The following TNPO1 variants were observed in gnomAD, a reference collection of about 807,000 sequenced individuals.
TNPO1 encodes the protein transportin-1.
A neutral mutation model predicts 119.5 loss-of-function variants in TNPO1; 8 were observed. That is an observed-to-expected ratio of 0.07 (90% CI 0.04 to 0.12). TNPO1 has a LOEUF of 0.12. Among genes scored for constraint, TNPO1 ranks in the 10% least tolerant of loss-of-function variants. TNPO1 has a pLI of 1.00. For synonymous variants in TNPO1, 362 were observed against 363.0 expected (o/e 1.00, Z 0.03); for missense variants, 576 against 1,089.8 (o/e 0.53, Z 6.64).
At chr5:72,887,573 T>C (rs1282244489) in intron 12 of TNPO1, among the ~76,000 whole-genome samples, 1 of 152,190 alleles carries the variant, frequency 6.6e-6, no homozygotes, top group East Asian at 1.9e-4. Context: ...TAGTCCCAGC[T>C]ACTTGGAAGG....
At chr5:72,873,054 A>G (rs1281887319) in intron 7 of TNPO1, among the ~76,000 whole-genome samples, 1 of 152,102 alleles carries the variant, frequency 6.6e-6, no homozygotes, top group Non-Finnish European at 1.5e-5. Flanking sequence ...CCCTCAGCTC[A>G]TGCAGTTTTT....
At chr5:72,864,585 C>CT (rs931865787) in intron 5 of TNPO1, among the ~76,000 whole-genome samples, 34 of 151,090 alleles carry the variant, frequency 2.3e-4, no homozygotes, top group African/African-American at 4.6e-4. Context: ...ATGTAAGTAA[C>CT]TTTTTTTTTC....
intron 8 of TNPO1, among the ~76,000 whole-genome samples, chr5:72,876,307 T>C (rs968895059): frequency 3.9e-5 from 6 of 152,212 alleles, no homozygotes; most frequent in African/African-American, 1.4e-4. Flanking sequence ...GGGCATATTT[T>C]GTTAGGTGAG....
chr5:72,853,706 A>G (rs1745765391), intron 3 of TNPO1, among the ~76,000 whole-genome samples: 1 of 149,880 alleles, frequency 6.7e-6, no homozygotes, highest in African/African-American at 2.5e-5. Flanking sequence ...TGCTGCATGT[A>G]GTTTTCCATT....
chr5:72,848,946 C>G (rs1170533465), intron 2 of TNPO1, among the ~76,000 whole-genome samples: 1 of 151,828 alleles, frequency 6.6e-6, no homozygotes, highest in Non-Finnish European at 1.5e-5. Context: ...GCGCTCTGTG[C>G]GCGGCGGAGC....
At chr5:72,834,355 A>G (rs1205694545) in intron 1 of TNPO1, among the ~76,000 whole-genome samples, 1 of 152,226 alleles carries the variant, frequency 6.6e-6, no homozygotes, top group South Asian at 2.1e-4. Flanking sequence ...TTCTAGAAGA[A>G]GGCATTGTTA....
intron 24 of TNPO1, among the ~76,000 whole-genome samples, chr5:72,907,996 T>C (rs1343761100): frequency 1.3e-5 from 2 of 152,202 alleles, no homozygotes; most frequent in East Asian, 3.9e-4. Context: ...GGGGCTTCAG[T>C]GAGCCATATT....
At chr5:72,903,382 TG>T (rs2112497612) in intron 22 of TNPO1, among the ~76,000 whole-genome samples, 1 of 152,300 alleles carries the variant, frequency 6.6e-6, no homozygotes, top group African/African-American at 2.4e-5. Context: ...ATCCGGTAAA[TG>T]AAAGAGTATT....
intron 3 of TNPO1, 94 bp downstream of exon 3, chr5:72,851,413 A>C (rs1387247866): frequency 1.3e-6 from 1 of 757,244 alleles, no homozygotes; most frequent in African/African-American, 1.8e-5. Context: ...TTCATTTTGT[A>C]GTAACCTTGT....
intron 2 of TNPO1, among the ~76,000 whole-genome samples, chr5:72,849,601 AT>A (rs1454563228): frequency 6.6e-6 from 1 of 152,226 alleles, no homozygotes; most frequent in African/African-American, 2.4e-5. Context: ...AAAACCTTCA[AT>A]AGATGACAAA....
chr5:72,905,621 G>A (rs1750088442), intron 24 of TNPO1, 176 bp downstream of exon 24: 3 of 339,774 alleles, frequency 8.8e-6, no homozygotes, highest in African/African-American at 2.1e-5. Context: ...TGGGCCAGGT[G>A]TGGTGGCTCA....
At chr5:72,865,313 G>A (rs1746796565) in intron 5 of TNPO1, among the ~76,000 whole-genome samples, 1 of 151,616 alleles carries the variant, frequency 6.6e-6, no homozygotes, top group Non-Finnish European at 1.5e-5. Context: ...ACAATGGCAG[G>A]CACCTGTAAT....
chr5:72,830,345 T>C (rs574689100), intron 1 of TNPO1, among the ~76,000 whole-genome samples: 3 of 152,280 alleles, frequency 2.0e-5, no homozygotes, highest in East Asian at 3.9e-4. Flanking sequence ...TAGATAAAAT[T>C]ATTGTATTCT....
chr5:72,900,820 A>G (rs889390197), intron 21 of TNPO1, 154 bp from the exon 22 acceptor site: 1 of 440,238 alleles, frequency 2.3e-6, no homozygotes, highest in Admixed American at 4.2e-5. Flanking sequence ...ACAAACAGGA[A>G]GTATGAGTAA....
intron 6 of TNPO1, among the ~76,000 whole-genome samples, chr5:72,872,074 G>C (rs1159111800): frequency 6.6e-6 from 1 of 152,146 alleles, no homozygotes; most frequent in African/African-American, 2.4e-5. Flanking sequence ...CAAACAGGCT[G>C]TAGTGGGGTT....
Position 72,880,586 on chromosome 5 carries a change from G to A in TNPO1, c.921-1881G>A, listed in dbSNP as rs867149790. 7.2e-5 allele frequency among the ~76,000 whole-genome samples: 11 copies of A among 152,244 alleles called. 1 individual carries two copies. The highest frequency in any genetic ancestry group is 2.1e-4 in the South Asian group (1 of 4,818). ...TCCCAGCACTTTGGGAGTCCAAGGC[G>A]GGTGTATCACCTGAGGTCTAGAGTT... On this transcript the variant is annotated intron_variant, in intron 9 of 24. Transcript: ENST00000337273.
intron 14 of TNPO1, among the ~76,000 whole-genome samples, chr5:72,890,946 C>T (rs888668848): frequency 5.3e-5 from 8 of 151,964 alleles, no homozygotes; most frequent in South Asian, 2.1e-4. Flanking sequence ...CTCCACCTCC[C>T]GGGCTCAAGC....
In TNPO1 at chr5:72,816,684, G is replaced by C; in HGVS notation, c.-54G>C. ...TTGTTCCGCAGCCATTTCAGGCCCC[G>C]GACAGGAGGCAGTGCCGCTTCGGCC... On this transcript the variant is annotated 5_prime_UTR_variant, in exon 1 of 25. Coordinates refer to ENST00000337273, the MANE Select transcript of TNPO1 (RefSeq NM_002270.4). The C allele has an allele frequency of 6.5e-7, 1 of 1,532,320 alleles. No homozygotes were observed. Among genetic ancestry groups the C allele is most frequent in the Non-Finnish European group, 8.8e-7 (1 of 1,140,558 alleles). 94.9% of individuals were successfully genotyped at this position (1,532,320 alleles called of 1,614,324 possible). A position where few individuals can be genotyped will look rare whatever the true frequency, so the allele number is the denominator to read the frequency against.
At chr5:72,877,094 CAAAAAAAAAA>C (rs35883847) in intron 8 of TNPO1, 124 bp from the exon 9 acceptor site, 3 of 234,402 alleles carry the variant, frequency 1.3e-5, no homozygotes, top group Middle Eastern at 1.2e-3. Context: ...GACTGCATCT[CAAAAAAAAAA>C]AAAAAAAAAA....
Sources: gnomAD v4.1 joint callset for allele counts (sites outside exome capture counted in the v4.1 genomes callset) on GRCh38, gnomAD v4.1.1 for gene constraint, MANE v1.5 for transcripts, NCBI Gene and HGNC (gene_info 2026-07-23, HGNC 2026-07-21) for gene names.